BCAR3: variants seen among roughly 807,000 people sequenced by gnomAD.
BCAR3 encodes the protein BCAR3 adaptor protein, NSP family member, also known as breast cancer anti-estrogen resistance protein 3.
A neutral mutation model predicts 80.1 loss-of-function variants in BCAR3; 37 were observed. That is an observed-to-expected ratio of 0.46 (90% CI 0.36 to 0.61). The LOEUF is 0.61. Ranked by LOEUF, BCAR3 falls within the 20% of genes least tolerant of loss-of-function variation. The pLI is 0.00. For synonymous variants in BCAR3, 389 were observed against 418.9 expected (o/e 0.93, Z 0.87); for missense variants, 978 against 1,068.2 (o/e 0.92, Z 1.18).
intron 2 of BCAR3, among the ~76,000 whole-genome samples, chr1:93,712,379 A>G (rs1650052500): frequency 6.6e-6 from 1 of 152,200 alleles, no homozygotes; most frequent in Non-Finnish European, 1.5e-5. Context: ...ATGGGCAGGA[A>G]CACTGGATCA....
At chr1:93,619,717 C>T (rs1034064752) in intron 3 of BCAR3, among the ~76,000 whole-genome samples, 2 of 152,242 alleles carry the variant, frequency 1.3e-5, no homozygotes, top group Non-Finnish European at 2.9e-5. Flanking sequence ...CAGCCAGGAA[C>T]AGCTGCCTCT....
In BCAR3 at chr1:93,709,003, C is replaced by T. The variant is rs148715565; in HGVS notation, c.-62-2861G>A. ...CTCACAACTTTCATATCAGGAGAGT[C>T]GATTGCACATGTGAAGAGGCCAATT... On this transcript the variant is annotated intron_variant, in intron 2 of 13. Coordinates refer to the BCAR3 transcript ENST00000370244. Among the ~76,000 whole-genome samples the T allele has an allele frequency of 7.2e-5, 11 of 152,098 alleles. No homozygotes were observed. In the South Asian group the frequency reaches 1.7e-3, roughly 23 times the overall value.
chr1:93,573,619 T>TGTTTTTTTTTTG (rs1673319538), intron 8 of BCAR3, among the ~76,000 whole-genome samples: 1 of 129,286 alleles, frequency 7.7e-6, no homozygotes, highest in Non-Finnish European at 1.7e-5. Flanking sequence ...TTTATTATTA[T>TGTTTTTTTTTTG]TATTATTATT....
chr1:93,815,402 C>T (rs1278189014), intron 2 of BCAR3, among the ~76,000 whole-genome samples: 1 of 152,124 alleles, frequency 6.6e-6, no homozygotes, highest in Non-Finnish European at 1.5e-5. Flanking sequence ...TTTTCTTACT[C>T]GAATTTACTC....
At chr1:93,788,064 A>G (rs1557688761) in intron 2 of BCAR3, among the ~76,000 whole-genome samples, 12 of 152,162 alleles carry the variant, frequency 7.9e-5, no homozygotes, top group Admixed American at 7.9e-4. Context: ...TCATTATATA[A>G]TGTCCTTCTT....
chr1:93,715,077 T>C (rs1650152469), intron 2 of BCAR3, among the ~76,000 whole-genome samples: 1 of 152,244 alleles, frequency 6.6e-6, no homozygotes, highest in East Asian at 1.9e-4. Flanking sequence ...ATTTATTGCA[T>C]GCCTACCATG....
At chr1:93,565,916 GA>G (rs1173101762) in intron 11 of BCAR3, among the ~76,000 whole-genome samples, 1 of 152,180 alleles carries the variant, frequency 6.6e-6, no homozygotes, top group South Asian at 2.1e-4. Context: ...TATAGTAATG[GA>G]AAATAGTCAT....
chr1:93,663,474 A>ATT (rs890271712), intron 2 of BCAR3, among the ~76,000 whole-genome samples: 10 of 152,184 alleles, frequency 6.6e-5, no homozygotes. Context: ...CAAGGAGAAA[A>ATT]AGTAACATGA....
chr1:93,831,915 A>T (rs1320087658), intron 2 of BCAR3, among the ~76,000 whole-genome samples: 1 of 152,008 alleles, frequency 6.6e-6, no homozygotes, highest in East Asian at 1.9e-4. Context: ...ACTTTATCTG[A>T]CCTCTCCCAA....
At chr1:93,769,964 G>C (rs1358642779) in intron 2 of BCAR3, among the ~76,000 whole-genome samples, 3 of 152,176 alleles carry the variant, frequency 2.0e-5, no homozygotes, top group Admixed American at 2.0e-4. Flanking sequence ...CTGACACCAA[G>C]AAAGAGGACA....
chr1:93,591,728 A>G (rs1674205092), intron 4 of BCAR3, among the ~76,000 whole-genome samples: 1 of 152,210 alleles, frequency 6.6e-6, no homozygotes. Flanking sequence ...GTCTGTGGTC[A>G]TGGGTTTAAT....
intron 3 of BCAR3, among the ~76,000 whole-genome samples, chr1:93,597,311 C>T (rs1248311417): frequency 6.6e-6 from 1 of 152,204 alleles, no homozygotes. Flanking sequence ...ATGAGGCCCC[C>T]TCTTGTCCAA....
Position 93,782,650 on chromosome 1 carries a change from C to T in BCAR3, c.-63+62917G>A, listed in dbSNP as rs372946243. Reference sequence around the variant, plus strand: ...GTGGAGGATAAGGAAGGCCAGGCACCTCTGGGGTCAGCAAGAGGAACTCCA... The same window carrying T: ...GTGGAGGATAAGGAAGGCCAGGCACTTCTGGGGTCAGCAAGAGGAACTCCA... On this transcript the variant is annotated intron_variant, in intron 2 of 13. Transcript: ENST00000370244. Among the ~76,000 whole-genome samples the T allele has an allele frequency of 2.6e-5, 4 of 152,286 alleles. No homozygotes were observed. The South Asian group carries it at 8.3e-4, about 32-fold the overall frequency.
At chr1:93,685,052 G>C (rs1367173685), upstream of BCAR3, among the ~76,000 whole-genome samples, 1 of 152,192 alleles carries the variant, frequency 6.6e-6, no homozygotes, top group African/African-American at 2.4e-5. Context: ...TTTAAGTTCA[G>C]TGGATCTTTC....
chr1:93,640,974 A>G (rs563987815), intron 3 of BCAR3, among the ~76,000 whole-genome samples: 28 of 152,352 alleles, frequency 1.8e-4, no homozygotes, highest in African/African-American at 6.7e-4. Context: ...ATCACAGTCT[A>G]TGCAAATAGC....
At chr1:93,751,752 C>T (rs1651565108) in intron 2 of BCAR3, among the ~76,000 whole-genome samples, 2 of 152,306 alleles carry the variant, frequency 1.3e-5, no homozygotes, top group South Asian at 2.1e-4. Context: ...CTAGAAGATT[C>T]CCCACATGCT....
chr1:93,797,131 A>C (rs1031614369), intron 2 of BCAR3, among the ~76,000 whole-genome samples: 3 of 152,186 alleles, frequency 2.0e-5, no homozygotes, highest in Non-Finnish European at 1.5e-5. Flanking sequence ...TTCCATTTGG[A>C]TTAGCATGGT....
intron 2 of BCAR3, among the ~76,000 whole-genome samples, chr1:93,832,754 C>T (rs6657088): frequency 1.7e-3 from 257 of 152,260 alleles, no homozygotes; most frequent in African/African-American, 5.5e-3. Flanking sequence ...GGTGCCAACT[C>T]GGAAAACATT....
chr1:93,778,783 C>T (rs1652661713), intron 2 of BCAR3, among the ~76,000 whole-genome samples: 1 of 152,196 alleles, frequency 6.6e-6, no homozygotes, highest in African/African-American at 2.4e-5. Context: ...CAGTTTAATA[C>T]TCAGGTATCA....
Sources: allele counts gnomAD v4.1 joint callset (sites outside exome capture counted in the v4.1 genomes callset), GRCh38; gene constraint gnomAD v4.1.1; transcripts MANE v1.5; gene names NCBI Gene and HGNC (gene_info 2026-07-23, HGNC 2026-07-21).